Variants in POU2F3 observed in about 807,000 individuals in gnomAD.
POU2F3 encodes POU domain, class 2, transcription factor 3.
A neutral mutation model predicts 59.2 loss-of-function variants in POU2F3; 23 were observed. That is an observed-to-expected ratio of 0.39 (90% CI 0.28 to 0.55). POU2F3 has a LOEUF of 0.55. POU2F3 is among the 20% of genes least tolerant of loss of function. POU2F3 has a pLI of 0.66. For missense variants in POU2F3, 473 were observed against 544.5 expected, an observed-to-expected ratio of 0.87 and a Z score of 1.31; for synonymous variants, 190 against 214.6, an observed-to-expected ratio of 0.89 and a Z score of 1.00.
intron 5 of POU2F3, chr11:120,300,799 C>A: frequency 3.3e-6 from 1 of 305,156 alleles, no homozygotes; most frequent in South Asian, 3.1e-5. Flanking sequence ...TATAAACTCT[C>A]TCCTGTTGCA....
chr11:120,305,442 GGCGTGGTCCACT>G, intron 7 of POU2F3, 190 bp from the exon 8 acceptor site: 1 of 942,958 alleles, frequency 1.1e-6, no homozygotes, highest in Non-Finnish European at 1.6e-6. Flanking sequence ...TGAGCACGTG[GGCGTGGTCCACT>G]GAGAGTCTAA....
At position 120,309,623 on chromosome 11, in the gene POU2F3, G is replaced by A. The variant is rs539988651; in HGVS notation, c.1068+37G>A. 3.8e-6 allele frequency: 6 copies of A among 1,599,252 alleles called. No individual in the cohort carries two copies. In the African/African-American group the frequency reaches 5.4e-5, roughly 14 times the overall value. On this transcript the variant is annotated intron_variant, in intron 10 of 12. Coordinates refer to ENST00000543440, the MANE Select transcript of POU2F3 (RefSeq NM_014352.4). ...GGAACCAAGCTGTCTGCCAAGCACT[G>A]GAGGGACATGATGCTTGGAGGGGAA...
chr11:120,307,538 G>A lies in POU2F3; in HGVS notation c.829G>A (p.Val277Ile), dbSNP rs1359753498. 2.5e-6 allele frequency: 4 copies of A among 1,614,096 alleles called. No individual in the cohort carries two copies. In the South Asian group the frequency reaches 4.4e-5, roughly 18 times the overall value. Residue 277 changes from valine to isoleucine, a missense_variant, in exon 9 of 13, where the codon GTA becomes ATA. Transcript: ENST00000543440. The stretch of plus-strand genomic sequence containing the variant: ...CAGCTCCTACCCCAGCCTCAGTGAA[G>A]TATTTGGTAGGAAGAGAAAGAAACG... Reference protein sequence around the residue: ...TPSSYPSLSEVFGRKRKKRTS... With the variant: ...TPSSYPSLSEIFGRKRKKRTS...
intron 10 of POU2F3, among the ~76,000 whole-genome samples, chr11:120,313,410 A>C (rs1448903163): frequency 3.9e-5 from 6 of 152,240 alleles, no homozygotes; most frequent in Non-Finnish European, 5.9e-5. Flanking sequence ...GCTGTGAAGG[A>C]CATGAAATAA....
At chr11:120,298,209 C>G (rs969982516) in intron 3 of POU2F3, 56 bp from the exon 4 acceptor site, 3 of 1,551,956 alleles carry the variant, frequency 1.9e-6, no homozygotes, top group Non-Finnish European at 2.6e-6. Context: ...CCATTTCCAT[C>G]TCTGACTGCC....
At chr11:120,238,284 CCTT>C (rs1938549775), upstream of POU2F3, among the ~76,000 whole-genome samples, 2 of 152,054 alleles carry the variant, frequency 1.3e-5, no homozygotes, top group African/African-American at 4.8e-5. Context: ...TTCTCTCCTC[CCTT>C]CTTTTCGGGA....
chr11:120,265,085 T>C (rs1939770186), intron 2 of POU2F3, among the ~76,000 whole-genome samples: 1 of 152,104 alleles, frequency 6.6e-6, no homozygotes, highest in South Asian at 2.1e-4. Flanking sequence ...TGCCTTCCTG[T>C]AGGCTGGGTG....
intron 5 of POU2F3, among the ~76,000 whole-genome samples, chr11:120,300,515 G>T (rs567300014): frequency 4.1e-4 from 62 of 152,250 alleles, no homozygotes; most frequent in African/African-American, 1.4e-3. Context: ...TGTAATCCCA[G>T]CACTTTGGGA....
chr11:120,270,307 T>C (rs1156692724), intron 3 of POU2F3, among the ~76,000 whole-genome samples: 1 of 152,094 alleles, frequency 6.6e-6, no homozygotes, highest in South Asian at 2.1e-4. Context: ...GGAATGTCTA[T>C]AGAGAGAGGG....
intron 1 of POU2F3, among the ~76,000 whole-genome samples, chr11:120,243,354 C>T (rs1651258859): frequency 6.6e-6 from 1 of 152,142 alleles, no homozygotes; most frequent in Non-Finnish European, 1.5e-5. Context: ...GACCCTCAGC[C>T]TGCAGCCTGT....
chr11:120,274,789 A>C (rs1350602883), intron 3 of POU2F3, among the ~76,000 whole-genome samples: 1 of 152,196 alleles, frequency 6.6e-6, no homozygotes, highest in African/African-American at 2.4e-5. Context: ...AAGAGGACCA[A>C]GGACAGACCT....
chr11:120,302,260 T>C lies in POU2F3; in HGVS notation c.362-26T>C, dbSNP rs771197750. 3 of 1,550,960 alleles carry C rather than the reference T, an allele frequency of 1.9e-6. No homozygotes were observed. In the South Asian group the frequency reaches 3.4e-5, roughly 17 times the overall value. On this transcript the variant is annotated intron_variant, in intron 5 of 12. Coordinates refer to ENST00000543440, the MANE Select transcript of POU2F3 (RefSeq NM_014352.4). The stretch of plus-strand genomic sequence containing the variant: ...AATAGCCTGGATTTTATTTGTCTGT[T>C]CCTTTGTCCCTCCCCTTTCACCCAG...
rs1941846950 is a variant in POU2F3 at position 120,318,584 on chromosome 11, AC to A, written c.*193del. The A allele has an allele frequency of 3.3e-6, 2 of 603,924 alleles. No homozygotes were observed. The highest frequency in any genetic ancestry group is 2.9e-6 in the Non-Finnish European group (1 of 342,574). The allele number at this position is 603,924 out of a possible 1,614,324, so 37.4% of individuals were successfully genotyped here. ...CAAACTGTGATTGAACCAAGTGCAG[AC>A]TCCTAATGCTCTTGAAATACACAGC... On this transcript the variant is annotated 3_prime_UTR_variant, in exon 13 of 13. Coordinates refer to ENST00000543440, the MANE Select transcript of POU2F3 (RefSeq NM_014352.4).
chr11:120,301,042 G>A, intron 5 of POU2F3: 1 of 456,254 alleles, frequency 2.2e-6, no homozygotes. Context: ...TTTGTTTTCA[G>A]AAGACTGGAG....
chr11:120,283,799 G>GTGTGTGTGTA (rs1555075919), intron 3 of POU2F3, among the ~76,000 whole-genome samples: 8 of 150,100 alleles, frequency 5.3e-5, no homozygotes, highest in African/African-American at 1.8e-4. Context: ...GTGTGTGTGT[G>GTGTGTGTGTA]TGTGTGTGTG....
chr11:120,295,117 G>A (rs1941155492), intron 3 of POU2F3, among the ~76,000 whole-genome samples: 1 of 152,148 alleles, frequency 6.6e-6, no homozygotes, highest in Non-Finnish European at 1.5e-5. Flanking sequence ...CAAAGAGTCT[G>A]AAGGGCAATT....
At chr11:120,295,288 T>A (rs1941162872) in intron 3 of POU2F3, among the ~76,000 whole-genome samples, 1 of 152,188 alleles carries the variant, frequency 6.6e-6, no homozygotes, top group South Asian at 2.1e-4. Context: ...TCTCCTTATC[T>A]CTCCCTTGTG....
upstream of POU2F3, chr11:120,240,123 C>A (rs932445227): frequency 3.2e-5 from 38 of 1,169,802 alleles, no homozygotes; most frequent in Non-Finnish European, 3.9e-5. Context: ...CGCCCCGCGC[C>A]GCGTGCTCAC....
intron 1 of POU2F3, among the ~76,000 whole-genome samples, chr11:120,243,467 G>C (rs948480339): frequency 7.9e-5 from 12 of 152,180 alleles, no homozygotes; most frequent in Admixed American, 7.2e-4. Flanking sequence ...TGATGGTGCT[G>C]AGTGGGGCAG....
Sources: allele counts gnomAD v4.1 joint callset (sites outside exome capture counted in the v4.1 genomes callset), GRCh38; gene constraint gnomAD v4.1.1; transcripts MANE v1.5; gene names NCBI Gene and HGNC (gene_info 2026-07-23, HGNC 2026-07-21).